The following ALK variants were observed in gnomAD, a reference collection of about 807,000 sequenced individuals.
The protein encoded by ALK is ALK receptor tyrosine kinase.
A neutral mutation model predicts 163.1 loss-of-function variants in ALK; 74 were observed. The ratio of observed to expected loss-of-function variants is 0.45; its 90% CI spans 0.38 to 0.55. The LOEUF (loss-of-function observed/expected upper bound fraction) is 0.55. Ranked by LOEUF, ALK falls within the 20% of genes least tolerant of loss-of-function variation. The pLI, the probability that ALK is intolerant of heterozygous loss-of-function variation, is 0.00. For missense variants in ALK, 2,063 were observed against 2,105.3 expected (o/e 0.98, Z 0.39); for synonymous variants, 960 against 843.2 (o/e 1.14, Z -2.40).
chr2:29,624,774 C>T (rs1676145215), intron 3 of ALK, among the ~76,000 whole-genome samples: 1 of 152,112 alleles, frequency 6.6e-6, no homozygotes, highest in East Asian at 1.9e-4. Context: ...AAAACAAAAA[C>T]AAACACATAA....
chr2:29,578,970 G>A (rs1461830549), intron 3 of ALK, among the ~76,000 whole-genome samples: 2 of 152,338 alleles, frequency 1.3e-5, no homozygotes, highest in African/African-American at 4.8e-5. Context: ...ACTGCTGAAT[G>A]GGGAGGGAGA....
chr2:29,626,240 C>T lies in ALK; in HGVS notation c.952+68610G>A, dbSNP rs527286147. On this transcript the variant is annotated intron_variant, in intron 3 of 28. Coordinates refer to ENST00000389048, the MANE Select transcript of ALK (RefSeq NM_004304.5). ...GGACTTTGATATGACTTGGCTGTGTCCCCACCCAAATGTCATCTTGCATTG... is the reference window on the plus strand; with the variant it reads ...GGACTTTGATATGACTTGGCTGTGTTCCCACCCAAATGTCATCTTGCATTG... 3.3e-5 allele frequency among the ~76,000 whole-genome samples: 5 copies of T among 152,200 alleles called. No individual in the cohort carries two copies. In the South Asian group the frequency reaches 1.0e-3, roughly 32 times the overall value.
In ALK at chr2:29,296,980, C is replaced by G. The variant is rs1010580453; in HGVS notation, c.1725G>C (p.Lys575Asn). ...CATGCCAGACCATCCTGCCTTGCTC[C>G]TTCCCGGTTTTGTTCTCCACTAGCA... ...SLVLVENKTG[K>N]EQGRMVWHVA... The change falls in exon 9 of 29, where the codon AAG (lysine) becomes AAC (asparagine). Residue 575 changes from lysine (K) to asparagine (N), a missense_variant. Physicochemically the swap from Lys to Asn is moderately conservative, Grantham distance 94. Around this residue, in one of 5 missense-constraint regions of ALK, gnomAD observed 987 missense variants for 939.5 expected, o/e 1.05. Transcript: ENST00000389048. 8.3e-5 allele frequency: 134 copies of G among 1,614,118 alleles called. No homozygotes were observed. The highest frequency in any genetic ancestry group is 1.1e-4 in the Non-Finnish European group (129 of 1,180,048).
intron 3 of ALK, among the ~76,000 whole-genome samples, chr2:29,571,765 C>T (rs1573466089): frequency 6.6e-6 from 1 of 151,762 alleles, no homozygotes; most frequent in East Asian, 1.9e-4. Flanking sequence ...TACAGGTGTG[C>T]ACCACCGTGC....
At chr2:29,205,211 A>G (rs1335561106) in intron 26 of ALK, among the ~76,000 whole-genome samples, 4 of 152,202 alleles carry the variant, frequency 2.6e-5, no homozygotes, top group African/African-American at 9.7e-5. Context: ...AACTTTCTAC[A>G]TGTTTCTTCA....
rs1040407832 is a variant in ALK at position 29,297,641 on chromosome 2, C to A, written c.1648-584G>T. On this transcript the variant is annotated intron_variant, in intron 8 of 28. Coordinates refer to ENST00000389048, the MANE Select transcript of ALK (RefSeq NM_004304.5). ...CAGACAAAAATCTACATATCAAGATCTTTTAATATGGGCATCTTTCGAAGA... is the reference window on the plus strand; with the variant it reads ...CAGACAAAAATCTACATATCAAGATATTTTAATATGGGCATCTTTCGAAGA... 5.3e-5 allele frequency among the ~76,000 whole-genome samples: 8 copies of A among 152,216 alleles called. 1 individual carries two copies. The highest frequency in any genetic ancestry group is 3.3e-4 in the Admixed American group (5 of 15,284).
At chr2:29,308,818 G>C (rs1197919914) in intron 8 of ALK, among the ~76,000 whole-genome samples, 2 of 152,070 alleles carry the variant, frequency 1.3e-5, no homozygotes, top group African/African-American at 4.8e-5. Context: ...AGAGCAGGCA[G>C]GGGACACTTT....
At chr2:29,889,760 A>AG (rs1667097325) in intron 1 of ALK, among the ~76,000 whole-genome samples, 1 of 128,274 alleles carries the variant, frequency 7.8e-6, no homozygotes, top group Admixed American at 8.1e-5. Context: ...AGAGAGAGAG[A>AG]AACCAGGAGG....
chr2:29,544,489 C>T (rs1673496436), intron 3 of ALK, among the ~76,000 whole-genome samples: 1 of 152,116 alleles, frequency 6.6e-6, no homozygotes. Flanking sequence ...GTATAATGTT[C>T]TATGGAACAC....
chr2:29,717,761 C>A, intron 1 of ALK, 64 bp from the exon 2 acceptor site: 1 of 1,607,708 alleles, frequency 6.2e-7, no homozygotes, highest in South Asian at 1.1e-5. Context: ...AGCTGTCACT[C>A]AATATCAGTC....
At chr2:29,548,289 CGG>C (rs1216691956) in intron 3 of ALK, among the ~76,000 whole-genome samples, 3 of 152,042 alleles carry the variant, frequency 2.0e-5, no homozygotes, top group Non-Finnish European at 4.4e-5. Flanking sequence ...CTGGCTAACA[CGG>C]TGAAACCCTG....
intron 4 of ALK, among the ~76,000 whole-genome samples, chr2:29,521,822 G>GT (rs1442710294): frequency 6.6e-6 from 1 of 152,200 alleles, no homozygotes; most frequent in African/African-American, 2.4e-5. Context: ...TGCAGACTTG[G>GT]TTTTTGAAGG....
chr2:29,799,771 AATC>A (rs932095867), intron 1 of ALK, among the ~76,000 whole-genome samples: 1 of 152,244 alleles, frequency 6.6e-6, no homozygotes, highest in African/African-American at 2.4e-5. Flanking sequence ...ATACATTAAA[AATC>A]ATCATAAAGA....
At chr2:29,656,825 TC>T (rs1156811555) in intron 3 of ALK, among the ~76,000 whole-genome samples, 1 of 152,114 alleles carries the variant, frequency 6.6e-6, no homozygotes, top group Non-Finnish European at 1.5e-5. Context: ...ATCACAGACT[TC>T]TTTATCCTTG....
chr2:29,385,385 T>G (rs6708793), intron 4 of ALK, among the ~76,000 whole-genome samples: 38,388 of 142,342 alleles, frequency 0.27, 5,353 homozygotes, highest in African/African-American at 0.38. Flanking sequence ...TCAGGTTGTT[T>G]TTTTTTTTTT....
chr2:29,356,873 C>T (rs1054366252), intron 5 of ALK, among the ~76,000 whole-genome samples: 19 of 152,162 alleles, frequency 1.2e-4, no homozygotes, highest in African/African-American at 4.6e-4. Context: ...TTAAAGAATT[C>T]TCCAGGTTCC....
chr2:29,794,839 T>A (rs1297465147), intron 1 of ALK, among the ~76,000 whole-genome samples: 1 of 152,090 alleles, frequency 6.6e-6, no homozygotes, highest in Non-Finnish European at 1.5e-5. Context: ...ATTAACGATG[T>A]TTGAGATATT....
chr2:29,812,105 G>A (rs1664774795), intron 1 of ALK, among the ~76,000 whole-genome samples: 2 of 152,188 alleles, frequency 1.3e-5, no homozygotes, highest in South Asian at 4.1e-4. Context: ...GGACAAGTAT[G>A]AGACACAAAA....
chr2:29,218,719 A>G (rs187223801), intron 23 of ALK, among the ~76,000 whole-genome samples: 114 of 152,322 alleles, frequency 7.5e-4, no homozygotes, highest in African/African-American at 2.6e-3. Context: ...TCTCTCCTTA[A>G]GCCTCAGGAA....
Sources: gnomAD v4.1 joint callset for allele counts (sites outside exome capture counted in the v4.1 genomes callset) on GRCh38, gnomAD v4.1.1 for gene constraint, gnomAD v4.1.1 regional missense constraint, MANE v1.5 for transcripts, NCBI Gene and HGNC (gene_info 2026-07-23, HGNC 2026-07-21) for gene names.